Variants in PDE4D observed in about 807,000 individuals in gnomAD.
PDE4D encodes 3',5'-cyclic-AMP phosphodiesterase 4D.
Under a neutral mutation model 87.4 loss-of-function variants are expected in PDE4D, and 24 were observed. The ratio of observed to expected loss-of-function variants is 0.27; its 90% CI spans 0.20 to 0.39. The LOEUF is 0.39. PDE4D is among the 10% of genes least tolerant of loss of function. PDE4D has a pLI of 1.00. For missense variants in PDE4D, 714 were observed against 1,041.0 expected (o/e 0.69, Z 4.32); for synonymous variants, 384 against 383.2 (o/e 1.00, Z -0.02).
chr5:59,632,186 T>A (rs1481365039), intron 1 of PDE4D, among the ~76,000 whole-genome samples: 3 of 152,168 alleles, frequency 2.0e-5, no homozygotes, highest in African/African-American at 7.2e-5. Context: ...CCAGACTGCC[T>A]CTCTAGATTC....
intron 3 of PDE4D, among the ~76,000 whole-genome samples, chr5:59,919,661 C>A (rs569592940): frequency 6.4e-4 from 97 of 152,334 alleles, no homozygotes; most frequent in African/African-American, 2.2e-3. Flanking sequence ...GGTAATCATG[C>A]ACCATCTGTT....
chr5:59,270,449 G>C (rs895541633), intron 1 of PDE4D, among the ~76,000 whole-genome samples: 1 of 152,092 alleles, frequency 6.6e-6, no homozygotes, highest in Non-Finnish European at 1.5e-5. Context: ...AGCTTGCAGA[G>C]AACAGAAAAA....
At chr5:59,517,446 A>C (rs1223899080) in intron 1 of PDE4D, among the ~76,000 whole-genome samples, 1 of 152,190 alleles carries the variant, frequency 6.6e-6, no homozygotes, top group African/African-American at 2.4e-5. Context: ...CCTTTGTTTT[A>C]GACTCTAGGA....
At chr5:59,383,023 C>A (rs1280444016) in intron 1 of PDE4D, among the ~76,000 whole-genome samples, 1 of 152,116 alleles carries the variant, frequency 6.6e-6, no homozygotes, top group East Asian at 1.9e-4. Flanking sequence ...CATGGAAGAG[C>A]TTTAAGCAAT....
intron 6 of PDE4D, among the ~76,000 whole-genome samples, chr5:58,994,809 A>G (rs761382670): frequency 2.0e-5 from 3 of 152,048 alleles, no homozygotes; most frequent in Non-Finnish European, 4.4e-5. Context: ...AACCATTTCA[A>G]TGGACTGTTG....
At chr5:59,185,912 G>A (rs1742802048) in intron 3 of PDE4D, among the ~76,000 whole-genome samples, 1 of 152,122 alleles carries the variant, frequency 6.6e-6, no homozygotes, top group African/African-American at 2.4e-5. Flanking sequence ...TGAATACATA[G>A]ACACAACATG....
At chr5:60,161,196 T>G (rs1782448041) in intron 2 of PDE4D, among the ~76,000 whole-genome samples, 1 of 152,174 alleles carries the variant, frequency 6.6e-6, no homozygotes, top group Non-Finnish European at 1.5e-5. Context: ...AAACCTGGTA[T>G]TTTGTTGTCT....
At chr5:60,051,760 T>A (rs1463020796) in intron 2 of PDE4D, among the ~76,000 whole-genome samples, 3 of 150,758 alleles carry the variant, frequency 2.0e-5, no homozygotes, top group Non-Finnish European at 4.4e-5. Context: ...CTGTTTTTTT[T>A]TAAAAAAGAT....
intron 1 of PDE4D, among the ~76,000 whole-genome samples, chr5:59,336,946 T>C (rs924745671): frequency 1.8e-4 from 27 of 152,338 alleles, no homozygotes; most frequent in African/African-American, 6.5e-4. Flanking sequence ...AGAATGCAAA[T>C]GCTCTTGCAA....
intron 1 of PDE4D, among the ~76,000 whole-genome samples, chr5:59,798,228 A>AT (rs1328934862): frequency 6.9e-6 from 1 of 145,622 alleles, no homozygotes; most frequent in Non-Finnish European, 1.5e-5. Context: ...ACAAGTCTCC[A>AT]TCTCTCTCTC....
chr5:60,446,645 A>G (rs1179873128), intron 1 of PDE4D, among the ~76,000 whole-genome samples: 5 of 152,200 alleles, frequency 3.3e-5, no homozygotes, highest in Non-Finnish European at 7.4e-5. Context: ...GTTAGCAGTA[A>G]CAGAAGTAAC....
intron 1 of PDE4D, among the ~76,000 whole-genome samples, chr5:60,190,356 C>A (rs868417396): frequency 6.6e-6 from 1 of 152,156 alleles, no homozygotes; most frequent in Non-Finnish European, 1.5e-5. Context: ...ACATTGGTAG[C>A]AGAAACAAGG....
At chr5:59,581,457 C>T (rs1318527519) in intron 1 of PDE4D, among the ~76,000 whole-genome samples, 1 of 152,112 alleles carries the variant, frequency 6.6e-6, no homozygotes, top group Non-Finnish European at 1.5e-5. Flanking sequence ...AAACATCATA[C>T]ATTGTTAGTA....
intron 1 of PDE4D, among the ~76,000 whole-genome samples, chr5:59,263,022 A>G (rs569320136): frequency 2.0e-5 from 3 of 152,048 alleles, no homozygotes; most frequent in Admixed American, 6.6e-5. Context: ...AGAAAGCCAC[A>G]GGGAAGAGGC....
intron 3 of PDE4D, among the ~76,000 whole-genome samples, chr5:59,958,331 C>T (rs80006743): frequency 0.026 from 3,893 of 152,164 alleles, 163 homozygotes; most frequent in African/African-American, 0.09. Context: ...GTAATAATGC[C>T]ATTCTCTTTT....
chr5:59,639,461 A>T (rs559383630), intron 1 of PDE4D, among the ~76,000 whole-genome samples: 2 of 152,280 alleles, frequency 1.3e-5, no homozygotes, highest in African/African-American at 4.8e-5. Context: ...GGCAGTGGTA[A>T]CAGAAGTGCA....
chr5:59,438,056 G>A (rs1797037120), intron 1 of PDE4D, among the ~76,000 whole-genome samples: 1 of 152,094 alleles, frequency 6.6e-6, no homozygotes, highest in Non-Finnish European at 1.5e-5. Flanking sequence ...CAGCTGCATG[G>A]GGGAAACTGC....
At chr5:60,471,394 A>G (rs1401626867) in intron 1 of PDE4D, among the ~76,000 whole-genome samples, 2 of 152,226 alleles carry the variant, frequency 1.3e-5, no homozygotes, top group African/African-American at 2.4e-5. Flanking sequence ...AAGGATTTAG[A>G]ATATTACATT....
chr5:59,461,547 C>A (rs1324459190), intron 1 of PDE4D, among the ~76,000 whole-genome samples: 1 of 152,128 alleles, frequency 6.6e-6, no homozygotes, highest in African/African-American at 2.4e-5. Flanking sequence ...AATGTTTTGA[C>A]CTTTTTGCCT....
Sources: allele counts gnomAD v4.1 joint callset (sites outside exome capture counted in the v4.1 genomes callset), GRCh38; gene constraint gnomAD v4.1.1; transcripts MANE v1.5; gene names NCBI Gene and HGNC (gene_info 2026-07-23, HGNC 2026-07-21).